LVRN: variants seen among roughly 807,000 people sequenced by gnomAD.
LVRN encodes laeverin.
LVRN carries 99 observed loss-of-function variants against 111.4 expected under a neutral mutation model. The ratio of observed to expected loss-of-function variants is 0.89; its 90% CI spans 0.76 to 1.05. The LOEUF (loss-of-function observed/expected upper bound fraction) is 1.05. Ranked by LOEUF, LVRN falls within the 50% of genes least tolerant of loss-of-function variation. The pLI is 0.00. For missense variants in LVRN, 1,414 were observed against 1,206.8 expected, an observed-to-expected ratio of 1.17 and a Z score of -2.54; for synonymous variants, 488 against 449.5, an observed-to-expected ratio of 1.09 and a Z score of -1.08.
At position 116,015,636 on chromosome 5, in the gene LVRN, A is replaced by T; in HGVS notation, c.2627A>T (p.Glu876Val). ...KDPWILNRYM[E>V]YAISTSPFTS... Reference sequence around the variant, plus strand: ...AAAATGCACTTTTGCAGATATATGGAGTATGCCATCAGCACATCTCCATTC... The same window carrying T: ...AAAATGCACTTTTGCAGATATATGGTGTATGCCATCAGCACATCTCCATTC... The change falls in exon 18 of 20, where the codon GAG becomes GTG. Residue 876 changes from glutamate to valine, a missense_variant. Coordinates refer to ENST00000357872, the MANE Select transcript of LVRN (RefSeq NM_173800.5). 1 of 1,610,814 alleles carries T rather than the reference A, an allele frequency of 6.2e-7. No individual in the cohort carries two copies. Among genetic ancestry groups the T allele is most frequent in the African/African-American group, 1.3e-5 (1 of 74,926 alleles).
At chr5:115,990,104 G>A (rs1193312096) in intron 4 of LVRN, among the ~76,000 whole-genome samples, 3 of 152,118 alleles carry the variant, frequency 2.0e-5, no homozygotes. Context: ...TATGAACTGT[G>A]TTCATGTACC....
Position 116,000,443 on chromosome 5 carries a change from T to A in LVRN, c.1526T>A (p.Met509Lys). The stretch of plus-strand genomic sequence containing the variant: ...CTTCTTTTGTCCTAGGGAGCGTCTA[T>A]GGCCCGGATGCTTTCTTGTTTCTTG... ...DIFTYSKGAS[M>K]ARMLSCFLNE... Residue 509 changes from methionine to lysine, a missense_variant, in exon 8 of 20, where the codon ATG becomes AAG. Transcript: ENST00000357872. 6.2e-7 allele frequency: 1 copy of A among 1,614,198 alleles called. No homozygotes were observed. Among genetic ancestry groups the A allele is most frequent in the Non-Finnish European group, 8.5e-7 (1 of 1,180,018 alleles).
chr5:115,988,538 T>C (rs944935417), intron 4 of LVRN, among the ~76,000 whole-genome samples: 2 of 152,226 alleles, frequency 1.3e-5, no homozygotes, highest in African/African-American at 4.8e-5. Context: ...AAGTTGTTCA[T>C]TGTTTTTTCT....
rs1560079 is a variant in LVRN, at chr5:116,002,873, G to T, written c.1859G>T (p.Gly620Val). ...WIVPILWIKNGTTQPLVWLDQ... is the reference protein window; with the variant it reads ...WIVPILWIKNVTTQPLVWLDQ... ...GTCCCTATTCTTTGGATAAAAAATG[G>T]AACTACACAACCTTTAGTCTGGCTA... The change falls in exon 11 of 20, where the codon GGA becomes GTA. Residue 620 changes from glycine to valine, a missense_variant. Transcript: ENST00000357872. 6.2e-7 allele frequency: 1 copy of T among 1,611,094 alleles called. No homozygotes were observed. The highest frequency in any genetic ancestry group is 8.5e-7 in the Non-Finnish European group (1 of 1,178,010).
intron 15 of LVRN, among the ~76,000 whole-genome samples, chr5:116,013,841 C>G (rs1748541750): frequency 1.3e-5 from 2 of 152,172 alleles, no homozygotes; most frequent in African/African-American, 4.8e-5. Context: ...TTTTGAAGTA[C>G]AGTGTACACC....
intron 5 of LVRN, among the ~76,000 whole-genome samples, chr5:115,993,138 G>T (rs546246287): frequency 6.6e-6 from 1 of 151,398 alleles, no homozygotes; most frequent in African/African-American, 2.4e-5. Flanking sequence ...CAGGGCTTGC[G>T]TTTGTTAGTT....
chr5:115,995,932 C>A (rs1422072196), intron 6 of LVRN, among the ~76,000 whole-genome samples: 1 of 141,556 alleles, frequency 7.1e-6, no homozygotes, highest in African/African-American at 2.7e-5. Context: ...GTGTTCTTAT[C>A]CTCAAGAAGC....
intron 14 of LVRN, among the ~76,000 whole-genome samples, chr5:116,011,459 AG>A (rs1413776769): frequency 2.0e-5 from 3 of 152,218 alleles, no homozygotes; most frequent in Non-Finnish European, 4.4e-5. Context: ...TTCCATTTTT[AG>A]ATCTTAAACA....
intron 18 of LVRN, chr5:116,021,746 T>C (rs1206760970): frequency 8.9e-6 from 4 of 451,742 alleles, no homozygotes; most frequent in Admixed American, 2.4e-5. Context: ...AGCCACACTT[T>C]GAGCAGGTAA....
intron 1 of LVRN, among the ~76,000 whole-genome samples, chr5:115,976,595 C>G (rs562609817): frequency 6.6e-6 from 1 of 152,092 alleles, no homozygotes; most frequent in African/African-American, 2.4e-5. Flanking sequence ...CTAACTATTG[C>G]TTTAATGCCA....
At chr5:115,983,703 T>G (rs751586773) in intron 2 of LVRN, among the ~76,000 whole-genome samples, 1 of 152,194 alleles carries the variant, frequency 6.6e-6, no homozygotes, top group African/African-American at 2.4e-5. Context: ...CTGTTGATCA[T>G]TAGTGATAAC....
rs1333512958 is a variant in LVRN, at chr5:115,962,939, G to T, written c.322G>T (p.Asp108Tyr). 6.2e-7 allele frequency: 1 copy of T among 1,613,060 alleles called. No individual in the cohort carries two copies. Among genetic ancestry groups the T allele is most frequent in the South Asian group, 1.1e-5 (1 of 91,040 alleles). ...LPPWLVPLHY[D>Y]LELWPQLRPD... is the part of the protein sequence containing the mutation. ...GCCCTGGCTCGTGCCGCTGCACTAC[G>T]ATCTGGAGCTGTGGCCGCAGCTGAG... Residue 108 changes from aspartate (D) to tyrosine (Y), a missense_variant, in exon 1 of 20, where the codon GAT becomes TAT. Asp to Tyr is a radical substitution (Grantham distance 160). Coordinates refer to ENST00000357872, the MANE Select transcript of LVRN (RefSeq NM_173800.5).
intron 19 of LVRN, among the ~76,000 whole-genome samples, chr5:116,025,689 C>T (rs981920012): frequency 7.2e-5 from 11 of 152,124 alleles, no homozygotes; most frequent in African/African-American, 2.7e-4. Flanking sequence ...ACTCTATATG[C>T]GTTCAGTAAA....
intron 18 of LVRN, chr5:116,021,837 A>G: frequency 2.7e-6 from 1 of 377,358 alleles, no homozygotes; most frequent in South Asian, 2.1e-5. Flanking sequence ...ACACTAAACT[A>G]GAGGGGAAGT....
chr5:115,985,482 A>G (rs1419439181), intron 3 of LVRN, among the ~76,000 whole-genome samples: 1 of 152,174 alleles, frequency 6.6e-6, no homozygotes, highest in African/African-American at 2.4e-5. Flanking sequence ...TTCCAGAACA[A>G]CAAGGGTGGT....
intron 3 of LVRN, among the ~76,000 whole-genome samples, 185 bp from the exon 4 acceptor site, chr5:115,987,628 T>A (rs901425428): frequency 2.0e-5 from 3 of 152,148 alleles, no homozygotes; most frequent in Admixed American, 1.3e-4. Flanking sequence ...GAATCACTGT[T>A]CATAACTTAG....
At chr5:115,971,875 G>A (rs963452050) in intron 1 of LVRN, among the ~76,000 whole-genome samples, 2 of 152,020 alleles carry the variant, frequency 1.3e-5, no homozygotes, top group Admixed American at 1.3e-4. Flanking sequence ...CTGGGATTTT[G>A]ACTGAGATTA....
At chr5:115,982,173 G>A (rs78190596) in intron 1 of LVRN, among the ~76,000 whole-genome samples, 1,660 of 152,258 alleles carry the variant, frequency 0.011, 84 homozygotes, top group Admixed American at 0.075. Flanking sequence ...ATACAATGAG[G>A]TTATGACACC....
In LVRN at chr5:115,963,408, C is replaced by G. The variant is rs147672024; in HGVS notation, c.695+96C>G. On this transcript the variant is annotated intron_variant, in intron 1 of 19. Transcript: ENST00000357872. ...CTGACTACCGTGTCCAGGTGCGCGTCTGCTGCCCTTTCCAAAGAATCCCCT... is the reference window on the plus strand; with the variant it reads ...CTGACTACCGTGTCCAGGTGCGCGTGTGCTGCCCTTTCCAAAGAATCCCCT... The G allele has an allele frequency of 1.8e-4, 166 of 923,650 alleles. 2 individuals are homozygous for G. In the East Asian group the frequency reaches 3.9e-3, roughly 22 times the overall value. 57.2% of individuals were successfully genotyped at this position (923,650 alleles called of 1,614,324 possible).
Sources: gnomAD v4.1 joint callset for allele counts (sites outside exome capture counted in the v4.1 genomes callset) on GRCh38, gnomAD v4.1.1 for gene constraint, MANE v1.5 for transcripts, NCBI Gene and HGNC (gene_info 2026-07-23, HGNC 2026-07-21) for gene names.